WDR44: variants seen among roughly 807,000 people sequenced by gnomAD.
WDR44 encodes the protein WD repeat-containing protein 44.
In WDR44, 9 loss-of-function variants were observed where a neutral mutation model predicts 65.7. The ratio of observed to expected loss-of-function variants is 0.14; its 90% CI spans 0.08 to 0.24. The LOEUF (loss-of-function observed/expected upper bound fraction) is 0.24. Among genes scored for constraint, WDR44 ranks in the 10% least tolerant of loss-of-function variants. The pLI is 1.00. For missense variants in WDR44, 425 were observed against 670.9 expected (o/e 0.63, Z 4.05); for synonymous variants, 220 against 235.2 (o/e 0.94, Z 0.59).
At chrX:118,438,840 G>A (rs1213923011) in intron 14 of WDR44, among the ~76,000 whole-genome samples, 1 of 89,607 alleles carries the variant, frequency 1.1e-5, no homozygotes, top group Non-Finnish European at 2.1e-5. Flanking sequence ...CCAGGCTGGA[G>A]TGCAGTGGCA....
At chrX:118,376,025 G>A (rs2056656624) in intron 1 of WDR44, among the ~76,000 whole-genome samples, 1 of 111,472 alleles carries the variant, frequency 9.0e-6, no homozygotes, top group Non-Finnish European at 1.9e-5. Context: ...ATGGCTCATG[G>A]CTCCTGGGCT....
chrX:118,380,390 C>G (rs1309318717), intron 2 of WDR44, among the ~76,000 whole-genome samples: 1 of 111,530 alleles, frequency 9.0e-6, no homozygotes, highest in African/African-American at 3.3e-5. Flanking sequence ...TCACACCCAC[C>G]ACCTTCCCCA....
At chrX:118,378,635 G>A (rs763691707) in intron 2 of WDR44, among the ~76,000 whole-genome samples, 183 bp downstream of exon 2, 2 of 110,057 alleles carry the variant, frequency 1.8e-5, no homozygotes, top group Non-Finnish European at 3.8e-5. Flanking sequence ...ATATTATGCT[G>A]TAAAGAAGGA....
chrX:118,416,495 G>A (rs1386690293), intron 12 of WDR44, among the ~76,000 whole-genome samples: 2 of 111,603 alleles, frequency 1.8e-5, no homozygotes, highest in Non-Finnish European at 3.8e-5. Flanking sequence ...GCACGGTTTC[G>A]AAGGTTCCTT....
intron 7 of WDR44, among the ~76,000 whole-genome samples, chrX:118,397,640 T>C (rs1015979076): frequency 8.9e-6 from 1 of 112,271 alleles, no homozygotes. Context: ...GAAAATGGCT[T>C]TAAAATGAGA....
intron 12 of WDR44, among the ~76,000 whole-genome samples, chrX:118,424,749 G>A (rs1269553082): frequency 1.8e-5 from 2 of 110,974 alleles, no homozygotes; most frequent in Non-Finnish European, 3.8e-5. Context: ...GGTGCTTTTG[G>A]TGTGGTGTCA....
intron 1 of WDR44, among the ~76,000 whole-genome samples, chrX:118,373,578 C>T (rs1371436240): frequency 9.0e-6 from 1 of 111,637 alleles, no homozygotes; most frequent in African/African-American, 3.3e-5. Context: ...TAGTCCAATT[C>T]AAGAAGCAGC....
intron 13 of WDR44, among the ~76,000 whole-genome samples, chrX:118,435,050 T>C (rs2057242803): frequency 9.0e-6 from 1 of 111,690 alleles, no homozygotes; most frequent in South Asian, 3.7e-4. Context: ...AGATCAGTGC[T>C]TAGTTTAAGA....
chrX:118,392,626 C>T lies in WDR44; in HGVS notation c.187-6C>T, dbSNP rs755223307. 5.1e-6 allele frequency: 6 copies of T among 1,179,949 alleles called. No homozygotes were observed. The South Asian group carries it at 7.6e-5, about 15-fold the overall frequency. ...TTTTAAAAACTACTTTTAACCCTTT[C>T]ATCAGATTATTGAAAGTATTATTGA... is the stretch of plus-strand genomic sequence containing the variant. On this transcript the variant is annotated splice_region_variant and splice_polypyrimidine_tract_variant and intron_variant, in intron 3 of 19. Transcript: ENST00000254029.
chrX:118,399,983 G>A (rs148147089), intron 8 of WDR44, among the ~76,000 whole-genome samples: 2,943 of 110,483 alleles, frequency 0.027, 37 homozygotes, highest in Non-Finnish European at 0.041. Context: ...AGCTACTCAG[G>A]AGGCTGACAT....
chrX:118,379,302 A>G (rs1211874076), intron 2 of WDR44, among the ~76,000 whole-genome samples: 1 of 111,204 alleles, frequency 9.0e-6, no homozygotes, highest in Non-Finnish European at 1.9e-5. Flanking sequence ...AATCTCAAAC[A>G]TGCTATATTT....
Position 118,443,430 on chromosome X carries a change from G to A in WDR44, c.2385-130G>A. The A allele has an allele frequency of 5.1e-6, 4 of 783,088 alleles. No individual in the cohort carries two copies. In the Admixed American group the frequency reaches 1.1e-4, roughly 22 times the overall value. 64.5% of individuals were successfully genotyped at this position (783,088 alleles called of 1,213,427 possible). A position where few individuals can be genotyped will look rare whatever the true frequency, so the allele number is the denominator to read the frequency against. On this transcript the variant is annotated intron_variant, in intron 17 of 19. Transcript: ENST00000254029. ...TAGAACATCTAGAGTGAGACCATGG[G>A]TCTACATATTCAACAAGACCCTTCA...
chrX:118,387,554 T>C, intron 3 of WDR44, 140 bp downstream of exon 3: 1 of 349,232 alleles, frequency 2.9e-6, no homozygotes, highest in Non-Finnish European at 4.8e-6. Context: ...ATCTGTCACA[T>C]TTGTGGTTGA....
chrX:118,409,957 T>A (rs2056999092), intron 11 of WDR44, among the ~76,000 whole-genome samples: 1 of 112,079 alleles, frequency 8.9e-6, no homozygotes, highest in African/African-American at 3.2e-5. Context: ...AGAATGAAAA[T>A]CATATATATC....
intron 2 of WDR44, among the ~76,000 whole-genome samples, chrX:118,379,618 A>C (rs2147688182): frequency 9.0e-6 from 1 of 111,713 alleles, no homozygotes; most frequent in East Asian, 2.8e-4. Flanking sequence ...TTACCAGGGA[A>C]TGAGAAATAC....
chrX:118,428,615 T>C (rs1300798860), intron 12 of WDR44, among the ~76,000 whole-genome samples: 2 of 112,042 alleles, frequency 1.8e-5, no homozygotes, highest in Non-Finnish European at 3.8e-5. Flanking sequence ...GAATGTAAAT[T>C]AGTTCAACCA....
chrX:118,399,883 T>C (rs748259935), intron 8 of WDR44, among the ~76,000 whole-genome samples: 1 of 111,306 alleles, frequency 9.0e-6, no homozygotes, highest in Non-Finnish European at 1.9e-5. Flanking sequence ...CCCAGGAGTT[T>C]GAGAGCAGCC....
At chrX:118,386,332 A>G in intron 2 of WDR44, 1 of 350,323 alleles carries the variant, frequency 2.9e-6, no homozygotes, top group Non-Finnish European at 5.5e-6. Context: ...TGAGATTTGC[A>G]AATATATGAT....
chrX:118,413,163 A>G (rs2057026019), intron 12 of WDR44, among the ~76,000 whole-genome samples: 1 of 112,102 alleles, frequency 8.9e-6, no homozygotes, highest in Non-Finnish European at 1.9e-5. Flanking sequence ...TGCGTGTGCA[A>G]GTATCTTTTT....
Sources: allele counts gnomAD v4.1 joint callset (sites outside exome capture counted in the v4.1 genomes callset), GRCh38; gene constraint gnomAD v4.1.1; transcripts MANE v1.5; gene names NCBI Gene and HGNC (gene_info 2026-07-23, HGNC 2026-07-21).